The following ZNF618 variants were observed in gnomAD, a reference collection of about 807,000 sequenced individuals.
The protein encoded by ZNF618 is neural precursor cell expressed, developmentally down-regulated 10.
A neutral mutation model predicts 103.0 loss-of-function variants in ZNF618; 34 were observed. The ratio of observed to expected loss-of-function variants is 0.33; its 90% CI spans 0.25 to 0.44. The LOEUF is 0.44. Ranked by LOEUF, ZNF618 falls within the 20% of genes least tolerant of loss-of-function variation. ZNF618 has a pLI of 1.00. For missense variants in ZNF618, 1,059 were observed against 1,295.4 expected (o/e 0.82, Z 2.80); for synonymous variants, 551 against 542.2 (o/e 1.02, Z -0.23).
chr9:114,037,818 TG>T (rs1844755201), intron 13 of ZNF618, among the ~76,000 whole-genome samples: 1 of 152,226 alleles, frequency 6.6e-6, no homozygotes, highest in Non-Finnish European at 1.5e-5. Flanking sequence ...ATGATCTTTT[TG>T]GGGAGCCTAT....
intron 1 of ZNF618, among the ~76,000 whole-genome samples, chr9:113,876,776 C>G (rs143841220): frequency 5.3e-5 from 8 of 150,162 alleles, no homozygotes; most frequent in East Asian, 2.0e-4. Flanking sequence ...CCCTCCCCCC[C>G]AAATTTGCAA....
chr9:114,040,499 G>C (rs1237391276), intron 13 of ZNF618, among the ~76,000 whole-genome samples: 1 of 151,714 alleles, frequency 6.6e-6, no homozygotes, highest in Non-Finnish European at 1.5e-5. Flanking sequence ...CCCCACAACC[G>C]GCCCCGGTGT....
At chr9:114,048,522 C>G (rs1261297075) in intron 14 of ZNF618, 129 bp from the exon 15 acceptor site, 1 of 972,388 alleles carries the variant, frequency 1.0e-6, no homozygotes, top group South Asian at 1.7e-5. Context: ...GCCAGCACCA[C>G]CCATGTGTGT....
chr9:113,979,795 G>A (rs1031505064), intron 2 of ZNF618, among the ~76,000 whole-genome samples: 1 of 152,202 alleles, frequency 6.6e-6, no homozygotes, highest in African/African-American at 2.4e-5. Flanking sequence ...CGTTCTAGTT[G>A]AGGAAACAGA....
At chr9:113,912,124 C>T (rs904348520) in intron 1 of ZNF618, among the ~76,000 whole-genome samples, 1 of 152,162 alleles carries the variant, frequency 6.6e-6, no homozygotes, top group African/African-American at 2.4e-5. Context: ...GTGGCAGGAG[C>T]CAGCCTCTGC....
At position 113,926,149 on chromosome 9, in the gene ZNF618, G is replaced by GT. The variant is rs202041982; in HGVS notation, c.34-42966dup. Among the ~76,000 whole-genome samples the GT allele has an allele frequency of 2.4e-3, 312 of 132,446 alleles. 5 individuals are homozygous for GT. Among genetic ancestry groups the GT allele is most frequent in the East Asian group, 0.018 (82 of 4,634 alleles). The allele number at this position is 132,446 out of a possible 152,430, so 86.9% of individuals were successfully genotyped here. ...CACTGGATCAGATTTCTAGGTTGGT[G>GT]TTGTTTTTTTTTTTTTTCTTTTAGG... is the stretch of plus-strand genomic sequence containing the variant. On this transcript the variant is annotated intron_variant, in intron 1 of 14. Coordinates refer to ENST00000374126, the MANE Select transcript of ZNF618 (RefSeq NM_001318042.2).
At chr9:114,043,735 GGCC>G (rs1845416166) in intron 13 of ZNF618, among the ~76,000 whole-genome samples, 1 of 152,054 alleles carries the variant, frequency 6.6e-6, no homozygotes, top group Admixed American at 6.5e-5. Context: ...TTTAAATTAT[GGCC>G]ATTCTTGCAG....
intron 1 of ZNF618, among the ~76,000 whole-genome samples, chr9:113,908,344 T>C (rs1363517818): frequency 6.6e-6 from 1 of 152,184 alleles, no homozygotes; most frequent in African/African-American, 2.4e-5. Flanking sequence ...TAAAAGCAGT[T>C]TAAAAAAATG....
chr9:113,987,208 T>G (rs1417909800), intron 2 of ZNF618, among the ~76,000 whole-genome samples: 1 of 152,110 alleles, frequency 6.6e-6, no homozygotes, highest in African/African-American at 2.4e-5. Flanking sequence ...GCTTCCCTTG[T>G]CAGAAGGATG....
chr9:113,900,688 G>A (rs113602480), intron 1 of ZNF618, among the ~76,000 whole-genome samples: 2 of 54,568 alleles, frequency 3.7e-5, no homozygotes, highest in Non-Finnish European at 7.6e-5. Context: ...AACCCGACCT[G>A]CTGTCTCCTA....
intron 12 of ZNF618, 26 bp downstream of exon 12, chr9:114,032,754 C>G (rs765480854): frequency 1.2e-6 from 2 of 1,608,648 alleles, no homozygotes; most frequent in East Asian, 2.2e-5. Context: ...GACAGCCATC[C>G]TGTGCGGTAG....
chr9:114,008,435 C>G, intron 8 of ZNF618, 42 bp from the exon 9 acceptor site: 1 of 1,613,668 alleles, frequency 6.2e-7, no homozygotes, highest in Non-Finnish European at 8.5e-7. Context: ...GCTCCTGAGA[C>G]CTGGGGGACC....
chr9:113,921,372 GTC>G (rs1368901722), intron 1 of ZNF618, among the ~76,000 whole-genome samples: 2 of 152,252 alleles, frequency 1.3e-5, no homozygotes, highest in Non-Finnish European at 2.9e-5. Flanking sequence ...CCTGTATGAT[GTC>G]TGGTTTCACT....
intron 6 of ZNF618, among the ~76,000 whole-genome samples, chr9:114,004,318 TCCAGCCCCGCCTTTCCTGCC>T (rs1841532487): frequency 6.6e-6 from 1 of 152,038 alleles, no homozygotes; most frequent in Non-Finnish European, 1.5e-5. Context: ...GCCCTCCCCC[TCCAGCCCCGCCTTTCCTGCC>T]CCAGCCCCAG....
intron 1 of ZNF618, among the ~76,000 whole-genome samples, chr9:113,898,039 C>T (rs369300277): frequency 6.6e-6 from 1 of 152,172 alleles, no homozygotes; most frequent in African/African-American, 2.4e-5. Flanking sequence ...ATGATCCACC[C>T]GCCTCAGCCT....
At position 114,007,454 on chromosome 9, in the gene ZNF618, T is replaced by C. The variant is rs755829897; in HGVS notation, c.640+15T>C. 1 of 1,607,424 alleles carries C rather than the reference T, an allele frequency of 6.2e-7. No individual in the cohort carries two copies. On this transcript the variant is annotated intron_variant, in intron 7 of 14. Transcript: ENST00000374126. ...CGCAGTGGATGGTGAGTCAGGCCCC[T>C]CACTCCCTGGAGTCATGCCAAGAGG...
At chr9:114,021,070 C>T (rs76400645) in intron 10 of ZNF618, among the ~76,000 whole-genome samples, 2,523 of 151,886 alleles carry the variant, frequency 0.017, 69 homozygotes, top group African/African-American at 0.058. Context: ...TTTGTTAGTA[C>T]TGGTGAATTA....
At chr9:113,990,417 G>T (rs538774987) in intron 3 of ZNF618, among the ~76,000 whole-genome samples, 1 of 152,308 alleles carries the variant, frequency 6.6e-6, no homozygotes, top group Non-Finnish European at 1.5e-5. Flanking sequence ...GAGTGGTAAT[G>T]TTGACACTGG....
intron 1 of ZNF618, among the ~76,000 whole-genome samples, chr9:113,946,183 G>A (rs924816998): frequency 6.6e-6 from 1 of 152,336 alleles, no homozygotes; most frequent in Middle Eastern, 3.4e-3. Context: ...AAGCAGCCAG[G>A]AATATCAAGG....
Sources: gnomAD v4.1 joint callset for allele counts (sites outside exome capture counted in the v4.1 genomes callset) on GRCh38, gnomAD v4.1.1 for gene constraint, MANE v1.5 for transcripts, NCBI Gene and HGNC (gene_info 2026-07-23, HGNC 2026-07-21) for gene names.